The following DCN variants were observed in gnomAD, a reference collection of about 807,000 sequenced individuals.
DCN encodes the protein bone proteoglycan II.
Under a neutral mutation model 36.5 loss-of-function variants are expected in DCN, and 17 were observed. That is an observed-to-expected ratio of 0.47 (90% CI 0.32 to 0.70). The LOEUF is 0.70. Ranked by LOEUF, DCN falls within the 30% of genes least tolerant of loss-of-function variation. DCN has a pLI of 0.04. For synonymous variants in DCN, 163 were observed against 161.4 expected, an observed-to-expected ratio of 1.01 and a Z score of -0.07; for missense variants, 389 against 430.1, an observed-to-expected ratio of 0.90 and a Z score of 0.84.
intron 3 of DCN, among the ~76,000 whole-genome samples, chr12:91,160,030 C>T (rs376626049): frequency 4.6e-5 from 7 of 151,992 alleles, no homozygotes; most frequent in African/African-American, 7.2e-5. Flanking sequence ...TCACATTACT[C>T]GATGAATTAA....
chr12:91,165,884 A>G (rs557072502), intron 2 of DCN, among the ~76,000 whole-genome samples: 1 of 152,294 alleles, frequency 6.6e-6, no homozygotes, highest in Admixed American at 6.5e-5. Context: ...GGACCAAGGC[A>G]GATATTGCCC....
rs1047691756 is a variant in DCN, at chr12:91,178,412, C to T, written c.141G>A (p.Glu47=). ...AGGGGCACACTGGGCCTAGGGAGGG[C>T]TCGAAGTCGCGGTCATCAGGAACTT... ...GPEVPDDRDF[E]PSLGPVCPFR... is the part of the protein sequence containing the mutation. The change falls in exon 2 of 8, where the codon GAG becomes GAA. Residue 47 remains glutamate, a synonymous_variant. Transcript: ENST00000052754. 6.2e-7 allele frequency: 1 copy of T among 1,613,958 alleles called. No individual in the cohort carries two copies. The highest frequency in any genetic ancestry group is 1.7e-5 in the Admixed American group (1 of 59,994).
chr12:91,144,296 G>T lies in DCN; in HGVS notation c.*1762C>A, dbSNP rs905424946. The stretch of plus-strand genomic sequence containing the variant: ...TAGCATGAAGGGTGCATTATTCATG[G>T]TTACAACAGAGAGAAGGATGCATCA... On this transcript the variant is annotated 3_prime_UTR_variant, in exon 8 of 8. Transcript: ENST00000052754. 1.3e-5 allele frequency: 2 copies of T among 152,116 alleles called. No individual in the cohort carries two copies. Among genetic ancestry groups the T allele is most frequent in the Admixed American group, 6.6e-5 (1 of 15,258 alleles). The allele number at this position is 152,116 out of a possible 1,614,324, so 9.4% of individuals were successfully genotyped here. A position where few individuals can be genotyped will look rare whatever the true frequency, so the allele number is the denominator to read the frequency against.
At chr12:91,148,721 C>CAAAAAAAAAAAAAAAAAAAAAAAAAA (rs5799978) in intron 7 of DCN, among the ~76,000 whole-genome samples, 3 of 49,478 alleles carry the variant, frequency 6.1e-5, no homozygotes, top group Admixed American at 3.2e-4. Flanking sequence ...CGCTCCGACT[C>CAAAAAAAAAAAAAAAAAAAAAAAAAA]AAAAAAAAAA....
intron 6 of DCN, among the ~76,000 whole-genome samples, chr12:91,152,141 C>T (rs1484281331): frequency 6.6e-6 from 1 of 152,020 alleles, no homozygotes; most frequent in Non-Finnish European, 1.5e-5. Context: ...CTTATTCAAA[C>T]ATTTATTTGT....
At chr12:91,151,383 TCAC>T (rs1881402817) in intron 7 of DCN, 2 of 412,378 alleles carry the variant, frequency 4.8e-6, no homozygotes, top group Non-Finnish European at 9.1e-6. Flanking sequence ...GGCACCAACA[TCAC>T]CACCCCTACT....
At chr12:91,155,368 T>A (rs1413996111) in intron 5 of DCN, among the ~76,000 whole-genome samples, 1 of 152,154 alleles carries the variant, frequency 6.6e-6, no homozygotes, top group African/African-American at 2.4e-5. Context: ...ACATGCTTAA[T>A]AAATTGTAGT....
intron 3 of DCN, among the ~76,000 whole-genome samples, chr12:91,163,842 ATGC>A (rs888198843): frequency 6.6e-6 from 1 of 152,200 alleles, no homozygotes; most frequent in African/African-American, 2.4e-5. Context: ...CTCTTAGAAA[ATGC>A]ATGAAAACAA....
rs1203138392 is a variant in DCN at position 91,144,968 on chromosome 12, T to G, written c.*1090A>C. 1 of 152,242 alleles carries G rather than the reference T, an allele frequency of 6.6e-6. No individual in the cohort carries two copies. Among genetic ancestry groups the G allele is most frequent in the Non-Finnish European group, 1.5e-5 (1 of 68,040 alleles). The allele number at this position is 152,242 out of a possible 1,614,324, so 9.4% of individuals were successfully genotyped here. On this transcript the variant is annotated 3_prime_UTR_variant, in exon 8 of 8. Coordinates refer to ENST00000052754, the MANE Select transcript of DCN (RefSeq NM_001920.5). ...ATTTACACTGTATTTCAATTATTTT[T>G]TCCCATATGAAACTATGATTTATAG...
chr12:91,168,421 T>C (rs1488698473), intron 2 of DCN, among the ~76,000 whole-genome samples: 1 of 152,238 alleles, frequency 6.6e-6, no homozygotes, highest in Non-Finnish European at 1.5e-5. Context: ...TAAACTATAC[T>C]GTCCTGCATT....
intron 1 of DCN, among the ~76,000 whole-genome samples, chr12:91,181,430 T>A (rs13312816): frequency 0.13 from 19,088 of 151,992 alleles, 1,734 homozygotes; most frequent in African/African-American, 0.25. Flanking sequence ...AAAGAGCAGC[T>A]GTCCAAGTAG....
chr12:91,151,265 G>C (rs926463327), intron 7 of DCN: 3 of 226,028 alleles, frequency 1.3e-5, no homozygotes, highest in Non-Finnish European at 2.7e-5. Context: ...CTAGACCAAA[G>C]AAGCTCTTTC....
chr12:91,151,903 A>T, intron 6 of DCN, 111 bp from the exon 7 acceptor site: 1 of 1,236,352 alleles, frequency 8.1e-7, no homozygotes, highest in Non-Finnish European at 1.2e-6. Flanking sequence ...TTTTGCACTT[A>T]CTCTTCCCAG....
At chr12:91,154,626 A>G (rs760006190) in intron 5 of DCN, among the ~76,000 whole-genome samples, 1 of 152,160 alleles carries the variant, frequency 6.6e-6, no homozygotes, top group African/African-American at 2.4e-5. Flanking sequence ...TGTAAAGTGC[A>G]TCATTAGCTT....
Position 91,146,063 on chromosome 12 carries a change from T to C in DCN, c.1075A>G (p.Lys359Glu). ...AATGAGGGCTTTCTTGAGAATTACT[T>C]ATAGTTTCCGAGTTGAATGGCAGAG... Reference protein sequence around the residue: ...VRSAIQLGNYK With the variant: ...VRSAIQLGNYE The change falls in exon 8 of 8, where the codon AAG becomes GAG. Residue 359 changes from lysine to glutamate, a missense_variant. Lys to Glu is a moderately conservative substitution (Grantham distance 56). Transcript: ENST00000052754. 1 of 1,613,208 alleles carries C rather than the reference T, an allele frequency of 6.2e-7. No individual in the cohort carries two copies. The highest frequency in any genetic ancestry group is 8.5e-7 in the Non-Finnish European group (1 of 1,179,194).
chr12:91,180,761 ATC>A (rs1404308137), intron 1 of DCN: 1 of 152,146 alleles, frequency 6.6e-6, no homozygotes, highest in Non-Finnish European at 1.5e-5. Flanking sequence ...GTGGTTTTGT[ATC>A]TGTTTCCCAT....
chr12:91,155,896 A>G (rs1881738230), intron 5 of DCN, among the ~76,000 whole-genome samples: 1 of 152,172 alleles, frequency 6.6e-6, no homozygotes, highest in South Asian at 2.1e-4. Context: ...AAAGCATCCT[A>G]TGGAATATGT....
intron 3 of DCN, among the ~76,000 whole-genome samples, chr12:91,160,895 A>G (rs1882115393): frequency 1.3e-5 from 2 of 152,188 alleles, no homozygotes; most frequent in African/African-American, 4.8e-5. Flanking sequence ...ATATATAGGT[A>G]TAAAATTACT....
intron 2 of DCN, chr12:91,175,473 A>G (rs866677663): frequency 6.6e-5 from 10 of 152,118 alleles, no homozygotes; most frequent in Non-Finnish European, 1.5e-4. Flanking sequence ...ATAGGTTTTT[A>G]CTTCTTAGCT....
Sources: gnomAD v4.1 joint callset for allele counts (sites outside exome capture counted in the v4.1 genomes callset) on GRCh38, gnomAD v4.1.1 for gene constraint, MANE v1.5 for transcripts, NCBI Gene and HGNC (gene_info 2026-07-23, HGNC 2026-07-21) for gene names.